CSMD3: variants seen among roughly 807,000 people sequenced by gnomAD.
CSMD3 encodes the protein CUB and Sushi multiple domains 3, also known as CUB and sushi domain-containing protein 3.
CSMD3 carries 177 observed loss-of-function variants against 435.2 expected under a neutral mutation model. The observed-to-expected ratio is 0.41, with a 90% confidence interval of 0.36 to 0.46. The LOEUF is 0.46. Among genes scored for constraint, CSMD3 ranks in the 20% least tolerant of loss-of-function variants. CSMD3 has a pLI of 0.34. For synonymous variants in CSMD3, 1,656 were observed against 1,520.5 expected, an observed-to-expected ratio of 1.09 and a Z score of -2.07; for missense variants, 4,265 against 4,504.6, an observed-to-expected ratio of 0.95 and a Z score of 1.52.
rs137901389 is a variant in CSMD3 at position 112,689,870 on chromosome 8, A to C, written c.2153T>G (p.Ile718Ser). The change falls in exon 14 of 71, where the codon ATC becomes AGC. Residue 718 changes from isoleucine to serine, a missense_variant and splice_region_variant. Around this residue, in one of 3 missense-constraint regions of CSMD3, gnomAD observed 279 missense variants for 369.0 expected, o/e 0.76. Transcript: ENST00000297405. ...GAAGCAAAGCATTTGGTACTCACAGATACAGATGGGTATGTTTGCAGACCA... is the reference window on the plus strand; with the variant it reads ...GAAGCAAAGCATTTGGTACTCACAGCTACAGATGGGTATGTTTGCAGACCA... ...NQWSANIPIC[I>S]FPCLSNFTAP... 6.2e-7 allele frequency: 1 copy of C among 1,612,752 alleles called. No homozygotes were observed. The highest frequency in any genetic ancestry group is 8.5e-7 in the Non-Finnish European group (1 of 1,178,940).
chr8:113,165,607 G>A (rs556792127), intron 4 of CSMD3, among the ~76,000 whole-genome samples: 6 of 152,160 alleles, frequency 3.9e-5, no homozygotes, highest in African/African-American at 7.2e-5. Context: ...TGCACAGAAA[G>A]AGAATGAAGT....
Position 113,180,364 on chromosome 8 carries a change from T to C in CSMD3, c.515-6448A>G, listed in dbSNP as rs183243031. On this transcript the variant is annotated intron_variant, in intron 3 of 70. Transcript: ENST00000297405. ...GGACATAAATGGTATAGTTTGGAAT[T>C]TACCTGGGGACTTCAGTTTGAGCAA... 1.6e-3 allele frequency among the ~76,000 whole-genome samples: 244 copies of C among 152,158 alleles called. 1 individual carries two copies. Among genetic ancestry groups the C allele is most frequent in the African/African-American group, 5.5e-3 (228 of 41,562 alleles).
intron 13 of CSMD3, among the ~76,000 whole-genome samples, chr8:112,764,152 G>C (rs2077916932): frequency 1.3e-5 from 2 of 151,430 alleles, no homozygotes; most frequent in Admixed American, 1.3e-4. Flanking sequence ...GGAAATTTTA[G>C]TGGGAAAAAA....
intron 7 of CSMD3, among the ~76,000 whole-genome samples, chr8:112,969,467 A>G (rs2084559454): frequency 6.6e-6 from 1 of 152,026 alleles, no homozygotes; most frequent in Non-Finnish European, 1.5e-5. Flanking sequence ...AATTCAGCAT[A>G]ATTTCATGTA....
intron 25 of CSMD3, among the ~76,000 whole-genome samples, chr8:112,553,876 G>GGA (rs2131209268): frequency 6.6e-6 from 1 of 151,922 alleles, no homozygotes; most frequent in South Asian, 2.1e-4. Flanking sequence ...AAACTGTGAT[G>GGA]GATAGTTTTA....
chr8:113,402,812 A>G (rs915949544), intron 1 of CSMD3, among the ~76,000 whole-genome samples: 2 of 151,430 alleles, frequency 1.3e-5, no homozygotes, highest in Non-Finnish European at 3.0e-5. Context: ...TAAGCATATT[A>G]TTTCAATAGT....
At chr8:113,021,637 G>T (rs904460745) in intron 5 of CSMD3, among the ~76,000 whole-genome samples, 4 of 152,080 alleles carry the variant, frequency 2.6e-5, no homozygotes, top group African/African-American at 9.7e-5. Context: ...AAGACAAAAT[G>T]TTCAATAAAA....
chr8:113,092,469 A>T (rs960767095), intron 5 of CSMD3, among the ~76,000 whole-genome samples: 1 of 152,064 alleles, frequency 6.6e-6, no homozygotes, highest in Non-Finnish European at 1.5e-5. Context: ...TAGCTGGGCA[A>T]TAACTAGCTA....
chr8:112,503,187 TC>T (rs773983719), intron 30 of CSMD3, among the ~76,000 whole-genome samples: 36 of 152,180 alleles, frequency 2.4e-4, no homozygotes, highest in Non-Finnish European at 4.1e-4. Context: ...GCTCAAGTGA[TC>T]CTCCTGCCTC....
At chr8:112,444,761 C>G (rs1815410720) in intron 32 of CSMD3, among the ~76,000 whole-genome samples, 1 of 152,134 alleles carries the variant, frequency 6.6e-6, no homozygotes, top group Non-Finnish European at 1.5e-5. Context: ...TTGGAAATAA[C>G]AGAAATGCTC....
chr8:112,526,259 G>A (rs1563659533), intron 27 of CSMD3, among the ~76,000 whole-genome samples: 1 of 151,766 alleles, frequency 6.6e-6, no homozygotes, highest in South Asian at 2.1e-4. Flanking sequence ...TCATAGTAGG[G>A]CATTTTAGTT....
intron 1 of CSMD3, among the ~76,000 whole-genome samples, chr8:113,422,530 G>C (rs931641718): frequency 2.0e-5 from 3 of 152,124 alleles, no homozygotes; most frequent in Non-Finnish European, 4.4e-5. Flanking sequence ...GTGTGTTGCA[G>C]TAAAGTTTTG....
chr8:112,780,973 G>A (rs2132242466), intron 13 of CSMD3, among the ~76,000 whole-genome samples: 1 of 152,154 alleles, frequency 6.6e-6, no homozygotes, highest in African/African-American at 2.4e-5. Flanking sequence ...AACCTAGTGA[G>A]ACACCAGCTG....
chr8:113,112,309 A>G (rs1440232667), intron 4 of CSMD3, among the ~76,000 whole-genome samples: 1 of 148,266 alleles, frequency 6.7e-6, no homozygotes, highest in Non-Finnish European at 1.5e-5. Context: ...CTAGGATAAG[A>G]GCTTGCCAGT....
chr8:113,021,473 G>C (rs1393313354), intron 5 of CSMD3, among the ~76,000 whole-genome samples: 9 of 152,092 alleles, frequency 5.9e-5, no homozygotes, highest in South Asian at 2.1e-4. Flanking sequence ...AATTATTTTT[G>C]ACAGGCTGCA....
chr8:112,383,046 C>T (rs1492669), intron 37 of CSMD3, among the ~76,000 whole-genome samples: 59,967 of 152,014 alleles, frequency 0.39, 13,316 homozygotes, highest in Middle Eastern at 0.54. Context: ...CAACATCTTA[C>T]ATAAAAATAT....
intron 13 of CSMD3, among the ~76,000 whole-genome samples, chr8:112,727,181 T>A (rs1030986142): frequency 4.0e-5 from 6 of 151,862 alleles, no homozygotes; most frequent in African/African-American, 1.4e-4. Context: ...TTGTATCATA[T>A]ACAGTAAACA....
chr8:112,572,927 C>T (rs543836340), intron 24 of CSMD3, among the ~76,000 whole-genome samples: 94 of 152,084 alleles, frequency 6.2e-4, no homozygotes, highest in African/African-American at 2.2e-3. Context: ...CCCACCCTAC[C>T]CCTGGTTCTT....
rs1014345192 is a variant in CSMD3, at chr8:112,772,050, A to G, written c.1972+28112T>C. ...AAAACAGATTTTAATGAAACAAAAA[A>G]TGAATTAACTCAGGAAAGATACAGA... On this transcript the variant is annotated intron_variant, in intron 13 of 70. Transcript: ENST00000297405. Among the ~76,000 whole-genome samples, 10 of 152,240 alleles carry G rather than the reference A, an allele frequency of 6.6e-5. No individual in the cohort carries two copies. The East Asian group carries it at 1.5e-3, about 24-fold the overall frequency.
Sources: gnomAD v4.1 joint callset for allele counts (sites outside exome capture counted in the v4.1 genomes callset) on GRCh38, gnomAD v4.1.1 for gene constraint, gnomAD v4.1.1 regional missense constraint, MANE v1.5 for transcripts, NCBI Gene and HGNC (gene_info 2026-07-23, HGNC 2026-07-21) for gene names.